LPP: variants seen among roughly 807,000 people sequenced by gnomAD.
The protein encoded by LPP is LIM domain containing preferred translocation partner in lipoma, also known as lipoma-preferred partner.
Under a neutral mutation model 60.4 loss-of-function variants are expected in LPP, and 38 were observed. The ratio of observed to expected loss-of-function variants is 0.63; its 90% CI spans 0.49 to 0.83. The LOEUF (loss-of-function observed/expected upper bound fraction) is 0.83, where lower values mean the gene tolerates loss of function less well. Ranked by LOEUF, LPP falls within the 40% of genes least tolerant of loss-of-function variation. The pLI, the probability that LPP is intolerant of heterozygous loss-of-function variation, is 0.00. For missense variants in LPP, 902 were observed against 783.6 expected, an observed-to-expected ratio of 1.15 and a Z score of -1.80; for synonymous variants, 328 against 290.8, an observed-to-expected ratio of 1.13 and a Z score of -1.30.
intron 2 of LPP, among the ~76,000 whole-genome samples, chr3:188,321,214 G>T (rs1191825759): frequency 6.6e-6 from 1 of 152,234 alleles, no homozygotes; most frequent in Non-Finnish European, 1.5e-5. Flanking sequence ...CATCCTGGGA[G>T]TTGAAGGTTG....
At chr3:188,233,517 T>A (rs138796932) in intron 2 of LPP, among the ~76,000 whole-genome samples, 1 of 152,222 alleles carries the variant, frequency 6.6e-6, no homozygotes, top group African/African-American at 2.4e-5. Context: ...TGTTTTCCTT[T>A]TAAATCTGAG....
upstream of LPP, chr3:188,153,493 C>G (rs1715108514): frequency 6.6e-6 from 1 of 152,330 alleles, no homozygotes; most frequent in Admixed American, 6.5e-5. Context: ...TAGACGCAGG[C>G]TTTTCCATTT....
chr3:188,288,364 G>T (rs772496713), intron 2 of LPP, among the ~76,000 whole-genome samples: 3 of 152,110 alleles, frequency 2.0e-5, no homozygotes, highest in Non-Finnish European at 2.9e-5. Context: ...TTCAGATCTC[G>T]TTTGTTGCTC....
At chr3:188,731,516 T>TTTG (rs1553817763) in intron 8 of LPP, among the ~76,000 whole-genome samples, 1 of 145,700 alleles carries the variant, frequency 6.9e-6, no homozygotes, top group Non-Finnish European at 1.5e-5. Context: ...TTTTTTGTTT[T>TTTG]TTTTGTTTTG....
intron 3 of LPP, among the ~76,000 whole-genome samples, chr3:188,376,385 G>A (rs1224792419): frequency 6.6e-6 from 1 of 152,080 alleles, no homozygotes; most frequent in East Asian, 1.9e-4. Context: ...GAATCTGGGT[G>A]CTCCTATATT....
intron 3 of LPP, among the ~76,000 whole-genome samples, chr3:188,384,156 G>A (rs939245617): frequency 6.6e-6 from 1 of 152,152 alleles, no homozygotes; most frequent in East Asian, 1.9e-4. Context: ...CGAAGTTTAT[G>A]TATTGTTTTA....
At chr3:188,797,162 A>G (rs1745634455) in intron 9 of LPP, among the ~76,000 whole-genome samples, 1 of 151,386 alleles carries the variant, frequency 6.6e-6, no homozygotes, top group Admixed American at 6.6e-5. Flanking sequence ...CCTTCTTGCA[A>G]ATACAAACAC....
intron 4 of LPP, among the ~76,000 whole-genome samples, chr3:188,471,068 C>T (rs978374903): frequency 6.6e-6 from 1 of 152,170 alleles, no homozygotes; most frequent in Non-Finnish European, 1.5e-5. Context: ...TCCAATAATA[C>T]TCTCAAACCA....
intron 3 of LPP, among the ~76,000 whole-genome samples, chr3:188,373,745 C>T (rs183297445): frequency 6.6e-6 from 1 of 151,948 alleles, no homozygotes; most frequent in South Asian, 2.1e-4. Flanking sequence ...GCTTTTGTTG[C>T]CATTGCTTTT....
At chr3:188,626,584 C>T (rs1030059681) in intron 7 of LPP, among the ~76,000 whole-genome samples, 2 of 152,066 alleles carry the variant, frequency 1.3e-5, no homozygotes, top group African/African-American at 2.4e-5. Context: ...AGAGCTTTCT[C>T]CTTGGATAAA....
chr3:188,249,495 T>C (rs907776168), intron 2 of LPP, among the ~76,000 whole-genome samples: 1 of 151,906 alleles, frequency 6.6e-6, no homozygotes, highest in African/African-American at 2.4e-5. Context: ...AAAGAAAATA[T>C]ACAAAAATCT....
intron 3 of LPP, among the ~76,000 whole-genome samples, chr3:188,386,425 T>G (rs1778328517): frequency 6.6e-6 from 1 of 152,134 alleles, no homozygotes; most frequent in African/African-American, 2.4e-5. Context: ...CCCCTCAAAA[T>G]TCACATTACA....
intron 9 of LPP, among the ~76,000 whole-genome samples, chr3:188,840,573 A>G (rs1458078479): frequency 6.6e-6 from 1 of 152,130 alleles, no homozygotes; most frequent in Non-Finnish European, 1.5e-5. Flanking sequence ...ATCATGGATC[A>G]CTGCAGCCTT....
chr3:188,236,383 A>T (rs1721935472), intron 2 of LPP, among the ~76,000 whole-genome samples: 1 of 152,174 alleles, frequency 6.6e-6, no homozygotes, highest in African/African-American at 2.4e-5. Flanking sequence ...GATGGACTGG[A>T]GGAAGAGTGT....
chr3:188,157,994 A>G (rs1287143664), intron 1 of LPP, among the ~76,000 whole-genome samples: 1 of 152,194 alleles, frequency 6.6e-6, no homozygotes, highest in Non-Finnish European at 1.5e-5. Context: ...GAGGGCCTTT[A>G]CTTTTTAATA....
At chr3:188,439,050 C>A (rs975327012) in intron 4 of LPP, among the ~76,000 whole-genome samples, 3 of 152,090 alleles carry the variant, frequency 2.0e-5, no homozygotes, top group Admixed American at 6.5e-5. Flanking sequence ...AAGAACTCTG[C>A]AAATTGTTAA....
At chr3:188,817,436 G>T (rs559850869) in intron 9 of LPP, among the ~76,000 whole-genome samples, 5 of 152,182 alleles carry the variant, frequency 3.3e-5, no homozygotes, top group Admixed American at 3.3e-4. Context: ...ATTTCAAAAG[G>T]GCTGTTAAAA....
At chr3:188,752,364 C>T (rs913416511) in intron 8 of LPP, among the ~76,000 whole-genome samples, 8 of 152,108 alleles carry the variant, frequency 5.3e-5, no homozygotes, top group African/African-American at 1.9e-4. Context: ...AATTCGGGCT[C>T]AGAAAATTTA....
intron 6 of LPP, among the ~76,000 whole-genome samples, chr3:188,599,789 T>TGTGTGTGG (rs1560616663): frequency 1.5e-5 from 2 of 135,774 alleles, no homozygotes; most frequent in East Asian, 4.5e-4. Context: ...TGTGTGTGTG[T>TGTGTGTGG]GGTGTGTGCT....
Sources: allele counts gnomAD v4.1 joint callset (sites outside exome capture counted in the v4.1 genomes callset), GRCh38; gene constraint gnomAD v4.1.1; transcripts MANE v1.5; gene names NCBI Gene and HGNC (gene_info 2026-07-23, HGNC 2026-07-21).